Variants in IQGAP2 observed in about 807,000 individuals in gnomAD.
IQGAP2 encodes IQ motif containing GTPase activating protein 2.
Under a neutral mutation model 201.3 loss-of-function variants are expected in IQGAP2, and 173 were observed. That is an observed-to-expected ratio of 0.86 (90% CI 0.76 to 0.98). The LOEUF (loss-of-function observed/expected upper bound fraction) is 0.98, where lower values mean the gene tolerates loss of function less well. IQGAP2 is among the 50% of genes least tolerant of loss of function. IQGAP2 has a pLI of 0.00. For missense variants in IQGAP2, 1,687 were observed against 1,864.8 expected (o/e 0.90, Z 1.76); for synonymous variants, 675 against 673.9 (o/e 1.00, Z -0.03).
Position 76,595,595 on chromosome 5 carries a change from C to CA in IQGAP2, c.908-1836dup, listed in dbSNP as rs539612532. On this transcript the variant is annotated intron_variant, in intron 9 of 35. Transcript: ENST00000274364. Reference sequence around the variant, plus strand: ...GCAACAAAGAGAGACTCAGTCTTTACAAAAAAAATTTAAAAATTAGCCGGG... The same window carrying CA: ...GCAACAAAGAGAGACTCAGTCTTTACAAAAAAAAATTTAAAAATTAGCCGGG... Among the ~76,000 whole-genome samples the CA allele has an allele frequency of 3.4e-3, 520 of 151,328 alleles. 1 individual carries two copies. The highest frequency in any genetic ancestry group is 6.0e-3 in the Non-Finnish European group (407 of 67,798).
rs1435156675 is a variant in IQGAP2, at chr5:76,467,417, A to G, written c.146+5748A>G. On this transcript the variant is annotated intron_variant, in intron 2 of 35. Coordinates refer to ENST00000274364, the MANE Select transcript of IQGAP2 (RefSeq NM_006633.5). ...AGTCAACATCATTAGTCATCAGGGAAATACAAATCAAAACCACAATGAGAT... is the reference window on the plus strand; with the variant it reads ...AGTCAACATCATTAGTCATCAGGGAGATACAAATCAAAACCACAATGAGAT... 2.6e-5 allele frequency among the ~76,000 whole-genome samples: 4 copies of G among 152,202 alleles called. No homozygotes were observed. The East Asian group carries it at 7.7e-4, about 29-fold the overall frequency.
rs1376709402 is a variant in IQGAP2 at position 76,493,163 on chromosome 5, T to C, written c.146+31494T>C. On this transcript the variant is annotated intron_variant, in intron 2 of 35. Coordinates refer to ENST00000274364, the MANE Select transcript of IQGAP2 (RefSeq NM_006633.5). Reference sequence around the variant, plus strand: ...GTTCTCAACATGGCAGCCAGGGTGATCCATTTAAATCTTAAGTCAGATCGC... The same window carrying C: ...GTTCTCAACATGGCAGCCAGGGTGACCCATTTAAATCTTAAGTCAGATCGC... 5.9e-5 allele frequency among the ~76,000 whole-genome samples: 9 copies of C among 152,134 alleles called. No homozygotes were observed. In the East Asian group the frequency reaches 7.7e-4, roughly 13 times the overall value.
intron 2 of IQGAP2, among the ~76,000 whole-genome samples, chr5:76,470,465 G>A (rs1033935960): frequency 2.6e-5 from 4 of 152,152 alleles, no homozygotes; most frequent in Admixed American, 2.6e-4. Context: ...AAGGGAATTT[G>A]AGGATAAAAT....
intron 23 of IQGAP2, 70 bp from the exon 24 acceptor site, chr5:76,671,689 G>GGA (rs1561575081): frequency 1.6e-5 from 13 of 812,452 alleles, no homozygotes; most frequent in Admixed American, 5.7e-5. Context: ...CTGTCTCGGG[G>GGA]AAAAAAAAAA....
intron 2 of IQGAP2, among the ~76,000 whole-genome samples, chr5:76,558,541 A>G (rs546603336): frequency 6.6e-6 from 1 of 152,138 alleles, no homozygotes; most frequent in East Asian, 1.9e-4. Flanking sequence ...ATTACTATTG[A>G]TTTCTTCTTT....
chr5:76,702,389 A>G lies in IQGAP2; in HGVS notation c.4506-93A>G, dbSNP rs1448349645. 4.5e-6 allele frequency: 3 copies of G among 663,994 alleles called. No individual in the cohort carries two copies. In the South Asian group the frequency reaches 5.7e-5, roughly 13 times the overall value. 41.1% of individuals were successfully genotyped at this position (663,994 alleles called of 1,614,324 possible). The stretch of plus-strand genomic sequence containing the variant: ...GGATTTTCTCAACAAGCCATTATTT[A>G]AAAATGATTATTTGAGATTCCATTA... On this transcript the variant is annotated intron_variant, in intron 34 of 35. Transcript: ENST00000274364.
At chr5:76,542,167 A>G (rs747766451) in intron 2 of IQGAP2, among the ~76,000 whole-genome samples, 3 of 152,068 alleles carry the variant, frequency 2.0e-5, no homozygotes, top group Non-Finnish European at 4.4e-5. Context: ...AAAAAAATTG[A>G]TAGAGATGGT....
chr5:76,438,939 T>G (rs561381091), intron 1 of IQGAP2, among the ~76,000 whole-genome samples: 2 of 148,190 alleles, frequency 1.3e-5, no homozygotes, highest in East Asian at 3.9e-4. Context: ...AGTTTTAGCT[T>G]TGTGTTTGTT....
intron 1 of IQGAP2, among the ~76,000 whole-genome samples, chr5:76,422,527 C>T (rs574033762): frequency 6.6e-6 from 1 of 152,338 alleles, no homozygotes; most frequent in African/African-American, 2.4e-5. Flanking sequence ...GCTAAGTACT[C>T]TGTGTGGAGT....
rs138848163 is a variant in IQGAP2, at chr5:76,442,505, G to A, written c.47-19065G>A. Among the ~76,000 whole-genome samples, 199 of 152,262 alleles carry A rather than the reference G, an allele frequency of 1.3e-3. 2 individuals are homozygous for A. Among genetic ancestry groups the A allele is most frequent in the Middle Eastern group, 6.8e-3 (2 of 294 alleles). ...AAGGAATGTGAATCCTTTATCACAC[G>A]AAGTAAACCAACAACATAGTACAGT... On this transcript the variant is annotated intron_variant, in intron 1 of 35. Transcript: ENST00000274364.
At chr5:76,489,510 G>C (rs1222338104) in intron 2 of IQGAP2, among the ~76,000 whole-genome samples, 1 of 152,088 alleles carries the variant, frequency 6.6e-6, no homozygotes, top group Non-Finnish European at 1.5e-5. Context: ...CCCCCAGGCT[G>C]GAGTGCAGTG....
At chr5:76,577,575 T>A (rs1287655985) in intron 5 of IQGAP2, among the ~76,000 whole-genome samples, 2 of 152,226 alleles carry the variant, frequency 1.3e-5, no homozygotes, top group Non-Finnish European at 2.9e-5. Flanking sequence ...TTCTAAATTA[T>A]TGTATAGCTG....
chr5:76,425,920 T>G (rs548586607), intron 1 of IQGAP2, among the ~76,000 whole-genome samples: 1 of 152,282 alleles, frequency 6.6e-6, no homozygotes, highest in South Asian at 2.1e-4. Flanking sequence ...GAGGATAGAC[T>G]CAGTCTGAAG....
intron 1 of IQGAP2, among the ~76,000 whole-genome samples, chr5:76,419,341 T>TTGTTC (rs1751590095): frequency 6.6e-6 from 1 of 151,492 alleles, no homozygotes; most frequent in South Asian, 2.1e-4. Context: ...GTTTTTTGTT[T>TTGTTC]TGTTTTGTTT....
chr5:76,570,848 T>G (rs1172637388), intron 4 of IQGAP2, among the ~76,000 whole-genome samples, 191 bp downstream of exon 4: 2 of 152,186 alleles, frequency 1.3e-5, no homozygotes, highest in East Asian at 3.8e-4. Context: ...TGTGCCCAGA[T>G]TGAGAGCAGC....
chr5:76,601,880 T>C (rs1747453149), intron 11 of IQGAP2, among the ~76,000 whole-genome samples: 1 of 152,222 alleles, frequency 6.6e-6, no homozygotes, highest in South Asian at 2.1e-4. Flanking sequence ...TTTAGTCTTT[T>C]TGGAGAAACT....
At chr5:76,498,058 G>A (rs1237025853) in intron 2 of IQGAP2, among the ~76,000 whole-genome samples, 1 of 152,090 alleles carries the variant, frequency 6.6e-6, no homozygotes, top group Admixed American at 6.6e-5. Flanking sequence ...TTACAGTTTG[G>A]AACTCCCGGA....
chr5:76,491,772 C>T (rs145267499), intron 2 of IQGAP2, among the ~76,000 whole-genome samples: 165 of 152,280 alleles, frequency 1.1e-3, no homozygotes, highest in African/African-American at 3.8e-3. Context: ...AAGCAAGTAC[C>T]CTGTGGTTCT....
chr5:76,510,428 C>T (rs1757892846), intron 2 of IQGAP2: 1 of 280,122 alleles, frequency 3.6e-6, no homozygotes, highest in Non-Finnish European at 7.1e-6. Flanking sequence ...AGGGCCCATA[C>T]AGGCAGGGGT....
Sources: allele counts gnomAD v4.1 joint callset (sites outside exome capture counted in the v4.1 genomes callset), GRCh38; gene constraint gnomAD v4.1.1; transcripts MANE v1.5; gene names NCBI Gene and HGNC (gene_info 2026-07-23, HGNC 2026-07-21).